ELMO1: variants seen among roughly 807,000 people sequenced by gnomAD.
ELMO1 encodes engulfment and cell motility 1, also known as engulfment and cell motility protein 1.
In ELMO1, 26 loss-of-function variants were observed where a neutral mutation model predicts 98.9. The ratio of observed to expected loss-of-function variants is 0.26; its 90% CI spans 0.19 to 0.36. ELMO1 has a LOEUF of 0.36. Among genes scored for constraint, ELMO1 ranks in the 10% least tolerant of loss-of-function variants. ELMO1 has a pLI of 1.00. For missense variants in ELMO1, 627 were observed against 935.2 expected (o/e 0.67, Z 4.30); for synonymous variants, 346 against 346.0 (o/e 1.00, Z 0.00).
intron 6 of ELMO1, among the ~76,000 whole-genome samples, chr7:37,255,785 T>A (rs1795607333): frequency 2.0e-5 from 2 of 97,884 alleles, no homozygotes; most frequent in Admixed American, 2.1e-4. Context: ...TGATGCATTG[T>A]CCTTGACTTA....
intron 16 of ELMO1, among the ~76,000 whole-genome samples, chr7:36,967,583 A>G (rs1191256990): frequency 6.6e-6 from 1 of 152,182 alleles, no homozygotes; most frequent in Non-Finnish European, 1.5e-5. Context: ...AGCAGCTCAG[A>G]TTCAGGGAGA....
chr7:37,268,671 C>T (rs1378880097), intron 5 of ELMO1, among the ~76,000 whole-genome samples: 13 of 152,182 alleles, frequency 8.5e-5, no homozygotes, highest in Admixed American at 7.2e-4. Context: ...AACACGGCCA[C>T]TAGAGAGACT....
At chr7:37,085,119 T>C (rs1175364468) in intron 15 of ELMO1, among the ~76,000 whole-genome samples, 1 of 152,166 alleles carries the variant, frequency 6.6e-6, no homozygotes, top group Non-Finnish European at 1.5e-5. Context: ...CTGATTGGCA[T>C]CCACCTTCTA....
intron 13 of ELMO1, among the ~76,000 whole-genome samples, chr7:37,198,847 T>C (rs1792119247): frequency 6.6e-6 from 1 of 152,036 alleles, no homozygotes; most frequent in African/African-American, 2.4e-5. Flanking sequence ...GGGGACAGAG[T>C]TATTGGAGAT....
intron 13 of ELMO1, among the ~76,000 whole-genome samples, chr7:37,140,171 C>T (rs1310398238): frequency 3.3e-5 from 5 of 149,920 alleles, no homozygotes; most frequent in Admixed American, 6.6e-5. Flanking sequence ...GTCAGGAGAG[C>T]GAGACCATCC....
intron 15 of ELMO1, among the ~76,000 whole-genome samples, chr7:37,018,044 A>G (rs1794046530): frequency 6.6e-6 from 1 of 152,236 alleles, no homozygotes; most frequent in Non-Finnish European, 1.5e-5. Context: ...GTCCGTAAGC[A>G]TCAAGTTAGA....
At chr7:37,155,542 G>A (rs1390483587) in intron 13 of ELMO1, among the ~76,000 whole-genome samples, 1 of 138,226 alleles carries the variant, frequency 7.2e-6, no homozygotes, top group African/African-American at 2.9e-5. Context: ...TGATAAAACA[G>A]ACTTTAAACC....
At chr7:37,278,627 C>T (rs540164365) in intron 4 of ELMO1, among the ~76,000 whole-genome samples, 83 of 152,312 alleles carry the variant, frequency 5.4e-4, no homozygotes, top group African/African-American at 1.9e-3. Context: ...CCAGCCCACC[C>T]TGTGGATTTA....
chr7:37,115,223 C>T (rs1294702819), intron 14 of ELMO1, among the ~76,000 whole-genome samples: 1 of 152,078 alleles, frequency 6.6e-6, no homozygotes, highest in Non-Finnish European at 1.5e-5. Flanking sequence ...AAGGTAGAAG[C>T]AGAAGGAGTA....
chr7:37,302,936 G>A (rs1318231552), intron 4 of ELMO1, among the ~76,000 whole-genome samples: 1 of 152,136 alleles, frequency 6.6e-6, no homozygotes, highest in Non-Finnish European at 1.5e-5. Flanking sequence ...CCAGAAAAGA[G>A]TTGCAGGCAC....
At chr7:37,257,471 T>A (rs991592722) in intron 6 of ELMO1, among the ~76,000 whole-genome samples, 1 of 150,950 alleles carries the variant, frequency 6.6e-6, no homozygotes, top group Admixed American at 6.6e-5. Context: ...ACGCCTGTAA[T>A]CCCAACACTT....
intron 4 of ELMO1, among the ~76,000 whole-genome samples, chr7:37,295,057 A>C (rs1247003294): frequency 6.6e-6 from 1 of 152,194 alleles, no homozygotes; most frequent in Non-Finnish European, 1.5e-5. Context: ...TAAATGCAAA[A>C]GTTACCTAGA....
intron 17 of ELMO1, among the ~76,000 whole-genome samples, chr7:36,888,403 T>G (rs1447128909): frequency 6.6e-6 from 1 of 152,174 alleles, no homozygotes; most frequent in Non-Finnish European, 1.5e-5. Flanking sequence ...GCCCTAGCAT[T>G]TGAGTCTAGT....
chr7:36,957,409 T>C (rs1346121315), intron 16 of ELMO1, among the ~76,000 whole-genome samples: 2 of 152,132 alleles, frequency 1.3e-5, no homozygotes, highest in Admixed American at 6.6e-5. Context: ...CTATCCACTA[T>C]CCCTCTTTAT....
intron 18 of ELMO1, among the ~76,000 whole-genome samples, chr7:36,885,422 A>G (rs902427333): frequency 1.3e-5 from 2 of 152,164 alleles, no homozygotes; most frequent in Admixed American, 1.3e-4. Flanking sequence ...ACTTCAACCT[A>G]GTCAGGGAAG....
At chr7:37,117,354 AC>A (rs994178957) in intron 14 of ELMO1, among the ~76,000 whole-genome samples, 1 of 152,172 alleles carries the variant, frequency 6.6e-6, no homozygotes, top group African/African-American at 2.4e-5. Flanking sequence ...ATCCAGCACC[AC>A]AAGAACACAG....
At chr7:37,165,050 A>G (rs1789552734) in intron 13 of ELMO1, among the ~76,000 whole-genome samples, 1 of 152,102 alleles carries the variant, frequency 6.6e-6, no homozygotes. Flanking sequence ...GAGGTCCTTC[A>G]CATCCCTTGT....
chr7:37,248,842 A>C (rs1795161940), intron 6 of ELMO1, among the ~76,000 whole-genome samples: 2 of 152,284 alleles, frequency 1.3e-5, no homozygotes, highest in Admixed American at 1.3e-4. Flanking sequence ...TCTCAGAGGC[A>C]ATAGCATAAG....
intron 15 of ELMO1, among the ~76,000 whole-genome samples, chr7:37,073,863 A>G (rs925031028): frequency 6.6e-6 from 1 of 151,688 alleles, no homozygotes; most frequent in South Asian, 2.1e-4. Flanking sequence ...ATTACAGGAA[A>G]GAGCCACTCT....
Sources: gnomAD v4.1 joint callset for allele counts (sites outside exome capture counted in the v4.1 genomes callset) on GRCh38, gnomAD v4.1.1 for gene constraint, MANE v1.5 for transcripts, NCBI Gene and HGNC (gene_info 2026-07-23, HGNC 2026-07-21) for gene names.